The following NCOA6 variants were observed in gnomAD, a reference collection of about 807,000 sequenced individuals.
NCOA6 encodes the protein nuclear receptor coactivator 6.
NCOA6 carries 49 observed loss-of-function variants against 171.4 expected under a neutral mutation model. That is an observed-to-expected ratio of 0.29 (90% CI 0.23 to 0.36). The LOEUF (loss-of-function observed/expected upper bound fraction) is 0.36. NCOA6 is among the 10% of genes least tolerant of loss of function. The probability of loss-of-function intolerance (pLI) is 1.00; values close to 1 mark genes in which losing one functional copy is unlikely to be tolerated. For synonymous variants in NCOA6, 910 were observed against 927.5 expected (o/e 0.98, Z 0.34); for missense variants, 2,248 against 2,554.5 (o/e 0.88, Z 2.59).
chr20:34,735,989 C>T (rs1314564204), intron 12 of NCOA6, among the ~76,000 whole-genome samples: 4 of 151,692 alleles, frequency 2.6e-5, no homozygotes, highest in African/African-American at 7.3e-5. Flanking sequence ...AAGAATCAGG[C>T]GAAACTAAAC....
rs140932599 is a variant in NCOA6 at position 34,751,068 on chromosome 20, G to A, written c.1676-549C>T. On this transcript the variant is annotated intron_variant, in intron 8 of 14. Coordinates refer to ENST00000359003, the MANE Select transcript of NCOA6 (RefSeq NM_014071.5). ...CACTATGGGCTACTGAAATAACTCT[G>A]CTATAAGAATGTGAAGTGTCGGCCG... is the stretch of plus-strand genomic sequence containing the variant. 4.0e-3 allele frequency among the ~76,000 whole-genome samples: 615 copies of A among 152,142 alleles called. 4 individuals are homozygous for A. Among genetic ancestry groups the A allele is most frequent in the African/African-American group, 0.013 (558 of 41,500 alleles).
rs770677516 is a variant in NCOA6, at chr20:34,743,241, T to G, written c.3015A>C (p.Pro1005=). ...APPPQPPQQQ[P]QPQLPQQQQP... The stretch of plus-strand genomic sequence containing the variant: ...GCTGCTGCTGAGGCAGTTGTGGCTG[T>G]GGCTGCTGCTGTGGTGGCTGTGGTG... Residue 1005 remains proline (P), a synonymous_variant, in exon 11 of 15, where the codon CCA becomes CCC. Transcript: ENST00000359003. The G allele has an allele frequency of 9.0e-5, 146 of 1,613,756 alleles. No individual in the cohort carries two copies. Among genetic ancestry groups the G allele is most frequent in the Non-Finnish European group, 8.6e-5 (101 of 1,179,920 alleles).
chr20:34,756,136 T>A (rs1307116885), intron 7 of NCOA6, among the ~76,000 whole-genome samples: 1 of 152,206 alleles, frequency 6.6e-6, no homozygotes, highest in African/African-American at 2.4e-5. Flanking sequence ...CCCATTTGCA[T>A]GCTCCCACTG....
At chr20:34,803,223 T>C (rs1339067689) in intron 1 of NCOA6, among the ~76,000 whole-genome samples, 1 of 152,126 alleles carries the variant, frequency 6.6e-6, no homozygotes, top group East Asian at 1.9e-4. Context: ...ATCTCAGAAC[T>C]TTGGAATGCC....
chr20:34,804,468 C>A (rs2078374052), intron 1 of NCOA6, among the ~76,000 whole-genome samples: 1 of 146,696 alleles, frequency 6.8e-6, no homozygotes, highest in Admixed American at 6.9e-5. Context: ...GACTGCATCA[C>A]TGTACTCCAG....
chr20:34,715,794 G>A (rs1184083473), intron 14 of NCOA6, among the ~76,000 whole-genome samples: 2 of 152,148 alleles, frequency 1.3e-5, no homozygotes, highest in Non-Finnish European at 2.9e-5. Context: ...CCTGCCTTGG[G>A]ATCCCTTTTG....
chr20:34,765,343 G>A (rs977698408), intron 5 of NCOA6, among the ~76,000 whole-genome samples: 6 of 150,854 alleles, frequency 4.0e-5, no homozygotes, highest in Non-Finnish European at 5.9e-5. Flanking sequence ...GCTGAGGCAG[G>A]AGAATGGCGT....
intron 11 of NCOA6, among the ~76,000 whole-genome samples, chr20:34,740,115 G>A (rs558727096): frequency 5.3e-5 from 8 of 152,178 alleles, no homozygotes; most frequent in African/African-American, 1.9e-4. Flanking sequence ...CACTCACCTC[G>A]GCCTCCCAAA....
chr20:34,789,483 CT>C (rs2077795984), intron 2 of NCOA6, among the ~76,000 whole-genome samples: 1 of 152,106 alleles, frequency 6.6e-6, no homozygotes, highest in African/African-American at 2.4e-5. Context: ...TGCATAAAGG[CT>C]TACTATGGCT....
At chr20:34,739,696 T>C (rs138257344) in intron 11 of NCOA6, among the ~76,000 whole-genome samples, 169 of 152,338 alleles carry the variant, frequency 1.1e-3, no homozygotes, top group Non-Finnish European at 2.2e-3. Context: ...CTGAACGTCT[T>C]TGAGCTTCAA....
intron 1 of NCOA6, among the ~76,000 whole-genome samples, chr20:34,803,607 T>C (rs754921959): frequency 6.6e-6 from 1 of 151,998 alleles, no homozygotes; most frequent in Admixed American, 6.6e-5. Flanking sequence ...TATAAGCAAA[T>C]AGAATTATCC....
At chr20:34,778,118 T>C (rs1341468064) in intron 3 of NCOA6, among the ~76,000 whole-genome samples, 1 of 152,168 alleles carries the variant, frequency 6.6e-6, no homozygotes, top group African/African-American at 2.4e-5. Flanking sequence ...TTGGCCAGGA[T>C]GGTCTTGATC....
intron 1 of NCOA6, among the ~76,000 whole-genome samples, chr20:34,796,924 C>T (rs932846807): frequency 1.3e-5 from 2 of 151,964 alleles, no homozygotes; most frequent in African/African-American, 2.4e-5. Context: ...TAATGTTTTT[C>T]TTTTGAACCA....
intron 11 of NCOA6, among the ~76,000 whole-genome samples, chr20:34,738,278 G>C (rs1007617441): frequency 6.6e-6 from 1 of 152,160 alleles, no homozygotes; most frequent in African/African-American, 2.4e-5. Flanking sequence ...TAAGCAAAGT[G>C]AGTGTTCTTA....
At chr20:34,764,811 A>G (rs1445276686) in intron 5 of NCOA6, among the ~76,000 whole-genome samples, 2 of 152,080 alleles carry the variant, frequency 1.3e-5, no homozygotes. Context: ...GTAGTTAGAC[A>G]GTTAAGAAAG....
At chr20:34,715,987 T>C (rs1395233617) in intron 14 of NCOA6, among the ~76,000 whole-genome samples, 1 of 151,746 alleles carries the variant, frequency 6.6e-6, no homozygotes, top group Non-Finnish European at 1.5e-5. Flanking sequence ...GAGGCCGAGG[T>C]GGGCGGATTG....
intron 1 of NCOA6, among the ~76,000 whole-genome samples, chr20:34,806,460 T>A (rs555411697): frequency 6.6e-6 from 1 of 152,336 alleles, no homozygotes; most frequent in East Asian, 1.9e-4. Context: ...TTTAAGGTCT[T>A]ATCTATAAAA....
chr20:34,809,737 T>C (rs1300409877), intron 1 of NCOA6, among the ~76,000 whole-genome samples: 1 of 152,122 alleles, frequency 6.6e-6, no homozygotes, highest in Non-Finnish European at 1.5e-5. Flanking sequence ...GAAGCCAAGG[T>C]GGGTGGATCA....
chr20:34,779,848 G>C (rs535073071), intron 3 of NCOA6, among the ~76,000 whole-genome samples: 2 of 150,992 alleles, frequency 1.3e-5, no homozygotes, highest in Non-Finnish European at 2.9e-5. Context: ...AAAAAAAACA[G>C]GGAAAACTTG....
Sources: allele counts gnomAD v4.1 joint callset (sites outside exome capture counted in the v4.1 genomes callset), GRCh38; gene constraint gnomAD v4.1.1; transcripts MANE v1.5; gene names NCBI Gene and HGNC (gene_info 2026-07-23, HGNC 2026-07-21).